Variants in NTRK2 observed in about 807,000 individuals in gnomAD.
NTRK2 encodes neurotrophic receptor tyrosine kinase 2.
A neutral mutation model predicts 94.5 loss-of-function variants in NTRK2; 13 were observed. The ratio of observed to expected loss-of-function variants is 0.14; its 90% confidence interval spans 0.09 to 0.22. The LOEUF is 0.22. Among genes scored for constraint, NTRK2 ranks in the 10% least tolerant of loss-of-function variants. NTRK2 has a pLI of 1.00. For missense variants in NTRK2, 639 were observed against 1,071.2 expected (o/e 0.60, Z 5.63); for synonymous variants, 372 against 407.4 (o/e 0.91, Z 1.05).
At chr9:84,713,560 T>A (rs1051041778) in intron 6 of NTRK2, among the ~76,000 whole-genome samples, 2 of 152,192 alleles carry the variant, frequency 1.3e-5, no homozygotes, top group South Asian at 2.1e-4. Context: ...TTGTTCTTTT[T>A]GCTGGAGTAT....
At chr9:84,886,448 G>T (rs117996430) in intron 14 of NTRK2, among the ~76,000 whole-genome samples, 4,094 of 152,310 alleles carry the variant, frequency 0.027, 85 homozygotes, top group Non-Finnish European at 0.041. Context: ...GCCTAGGCTT[G>T]GGTGTTCAAG....
chr9:84,914,956 C>A (rs1198907126), intron 14 of NTRK2, among the ~76,000 whole-genome samples: 2 of 152,146 alleles, frequency 1.3e-5, no homozygotes, highest in Non-Finnish European at 2.9e-5. Context: ...TTTTTCCACA[C>A]ACCGGGAATG....
chr9:84,963,730 A>G (rs906679917), intron 17 of NTRK2, among the ~76,000 whole-genome samples: 1 of 152,190 alleles, frequency 6.6e-6, no homozygotes, highest in Non-Finnish European at 1.5e-5. Flanking sequence ...TTTCACTTAT[A>G]ATAAGCCACT....
At chr9:84,691,718 C>CTT (rs1029268790) in intron 2 of NTRK2, among the ~76,000 whole-genome samples, 2 of 152,046 alleles carry the variant, frequency 1.3e-5, no homozygotes, top group Non-Finnish European at 2.9e-5. Flanking sequence ...TGCCCCAGAA[C>CTT]TTAGACAAAT....
At chr9:84,790,391 G>C (rs2068610616) in intron 12 of NTRK2, among the ~76,000 whole-genome samples, 1 of 152,120 alleles carries the variant, frequency 6.6e-6, no homozygotes, top group South Asian at 2.1e-4. Flanking sequence ...CCTTCTTATT[G>C]AACATTTTGA....
chr9:84,805,018 G>C (rs1260018056), intron 12 of NTRK2, among the ~76,000 whole-genome samples: 1 of 152,056 alleles, frequency 6.6e-6, no homozygotes, highest in Non-Finnish European at 1.5e-5. Context: ...CTGTGGATGG[G>C]GCAATGGTAT....
At chr9:84,947,294 G>A (rs2078631100) in intron 15 of NTRK2, among the ~76,000 whole-genome samples, 1 of 152,126 alleles carries the variant, frequency 6.6e-6, no homozygotes, top group East Asian at 1.9e-4. Context: ...ATGACATTGG[G>A]CCCTCCTGGA....
At chr9:85,002,708 A>G (rs1293678568) in intron 17 of NTRK2, among the ~76,000 whole-genome samples, 2 of 152,204 alleles carry the variant, frequency 1.3e-5, no homozygotes, top group Non-Finnish European at 2.9e-5. Flanking sequence ...TGGTTGCAGT[A>G]TTATGTTTTA....
At position 84,675,324 on chromosome 9, in the gene NTRK2, C is replaced by CTTTTTTTTT. The variant is rs536445167; in HGVS notation, c.212+4383_212+4391dup. ...CTCTTCTCCTTTCTTTCTTTCTTTC[C>CTTTTTTTTT]TTTTTTTTTTTTTTTTTTTTTTTTT... On this transcript the variant is annotated intron_variant, in intron 2 of 18. Transcript: ENST00000277120. Among the ~76,000 whole-genome samples the CTTTTTTTTT allele has an allele frequency of 3.9e-4, 26 of 67,328 alleles. 1 individual carries two copies. Among genetic ancestry groups the CTTTTTTTTT allele is most frequent in the Non-Finnish European group, 5.5e-4 (21 of 38,394 alleles). 44.2% of individuals were successfully genotyped at this position (67,328 alleles called of 152,430 possible).
At chr9:84,879,197 A>G (rs559809857) in intron 14 of NTRK2, among the ~76,000 whole-genome samples, 26 of 152,338 alleles carry the variant, frequency 1.7e-4, no homozygotes, top group Non-Finnish European at 3.2e-4. Context: ...AGGCAGAGAC[A>G]GAGACAAAGA....
At chr9:84,834,104 A>G (rs1018882967) in intron 12 of NTRK2, among the ~76,000 whole-genome samples, 1 of 152,196 alleles carries the variant, frequency 6.6e-6, no homozygotes, top group South Asian at 2.1e-4. Flanking sequence ...GGGCATTTTC[A>G]TACAGAACTT....
At chr9:84,800,445 C>T (rs1355472385) in intron 12 of NTRK2, among the ~76,000 whole-genome samples, 1 of 152,188 alleles carries the variant, frequency 6.6e-6, no homozygotes, top group Non-Finnish European at 1.5e-5. Flanking sequence ...AGGTGATCTG[C>T]CTGCCTCGGC....
intron 12 of NTRK2, among the ~76,000 whole-genome samples, chr9:84,830,848 T>G (rs528062682): frequency 1.4e-3 from 218 of 152,320 alleles, no homozygotes; most frequent in African/African-American, 5.0e-3. Flanking sequence ...TACAAAGTAG[T>G]AAAGATTTCC....
At chr9:84,887,939 T>C (rs940075502) in intron 14 of NTRK2, among the ~76,000 whole-genome samples, 1 of 152,238 alleles carries the variant, frequency 6.6e-6, no homozygotes, top group Non-Finnish European at 1.5e-5. Flanking sequence ...CACATGATCT[T>C]ACTTTCTGTC....
At chr9:84,717,326 G>T (rs1252381002) in intron 6 of NTRK2, among the ~76,000 whole-genome samples, 3 of 152,186 alleles carry the variant, frequency 2.0e-5, no homozygotes, top group African/African-American at 7.2e-5. Context: ...CATCTTATTT[G>T]TTGCCAAACT....
intron 13 of NTRK2, among the ~76,000 whole-genome samples, chr9:84,863,483 A>T (rs1228630644): frequency 6.6e-6 from 1 of 152,210 alleles, no homozygotes; most frequent in Non-Finnish European, 1.5e-5. Flanking sequence ...TTCGTTTAAC[A>T]CACGGTGATG....
intron 17 of NTRK2, among the ~76,000 whole-genome samples, chr9:85,001,802 G>A (rs552264691): frequency 1.5e-4 from 23 of 152,328 alleles, no homozygotes; most frequent in African/African-American, 2.4e-4. Flanking sequence ...GAGATGCTGC[G>A]CTGGCCCCTG....
intron 11 of NTRK2, among the ~76,000 whole-genome samples, chr9:84,747,478 T>C (rs1226482317): frequency 7.1e-6 from 1 of 141,052 alleles, no homozygotes. Context: ...TCTGGGTTTT[T>C]TTTTTTTTTT....
chr9:84,790,985 T>C (rs752411051), intron 12 of NTRK2, among the ~76,000 whole-genome samples: 6 of 152,268 alleles, frequency 3.9e-5, no homozygotes, highest in Non-Finnish European at 7.3e-5. Context: ...TGGGCTTGCC[T>C]AGTAGTTCAC....
Sources: gnomAD v4.1 joint callset for allele counts (sites outside exome capture counted in the v4.1 genomes callset) on GRCh38, gnomAD v4.1.1 for gene constraint, MANE v1.5 for transcripts, NCBI Gene and HGNC (gene_info 2026-07-23, HGNC 2026-07-21) for gene names.